RICTOR: variants seen among roughly 807,000 people sequenced by gnomAD.
RICTOR encodes the protein rapamycin-insensitive companion of mTOR.
RICTOR carries 49 observed loss-of-function variants against 214.9 expected under a neutral mutation model. That is an observed-to-expected ratio of 0.23 (90% CI 0.18 to 0.29). The LOEUF (loss-of-function observed/expected upper bound fraction) is 0.29. RICTOR is among the 10% of genes least tolerant of loss of function. The pLI, the probability that RICTOR is intolerant of heterozygous loss-of-function variation, is 1.00. For missense variants in RICTOR, 1,625 were observed against 2,047.0 expected (o/e 0.79, Z 3.98); for synonymous variants, 717 against 711.3 (o/e 1.01, Z -0.13).
chr5:38,955,982 T>C (rs545625485), intron 25 of RICTOR, among the ~76,000 whole-genome samples: 1 of 152,120 alleles, frequency 6.6e-6, no homozygotes, highest in South Asian at 2.1e-4. Context: ...TGAAAATTCA[T>C]TAGCCTAATC....
chr5:38,965,102 C>T (rs554530088), intron 15 of RICTOR, among the ~76,000 whole-genome samples: 4 of 151,804 alleles, frequency 2.6e-5, no homozygotes, highest in African/African-American at 9.7e-5. Flanking sequence ...AAGATACACA[C>T]ATATTAACAT....
At chr5:39,056,318 G>A (rs772761904) in intron 2 of RICTOR, among the ~76,000 whole-genome samples, 3 of 152,094 alleles carry the variant, frequency 2.0e-5, no homozygotes, top group African/African-American at 7.2e-5. Flanking sequence ...CGTAATATCA[G>A]TAGTGACAAG....
rs562106221 is a variant in RICTOR, at chr5:38,984,508, T to C, written c.584-2472A>G. 4.5e-4 allele frequency among the ~76,000 whole-genome samples: 68 copies of C among 152,316 alleles called. No homozygotes were observed. In the South Asian group the frequency reaches 6.8e-3, roughly 15 times the overall value. On this transcript the variant is annotated intron_variant, in intron 7 of 37. Transcript: ENST00000357387. ...AAAATTATCTTTGAGTATAGCTTTC[T>C]AGGCATCCAGGCAGTCCTACAGACT...
intron 7 of RICTOR, among the ~76,000 whole-genome samples, chr5:38,982,805 CATATAT>C (rs10563872): frequency 6.6e-6 from 1 of 151,004 alleles, no homozygotes; most frequent in Admixed American, 6.6e-5. Context: ...TATACACATA[CATATAT>C]ATATATAAAC....
At chr5:38,959,728 A>C in intron 21 of RICTOR, 51 bp downstream of exon 21, 1 of 1,213,178 alleles carries the variant, frequency 8.2e-7, no homozygotes, top group Non-Finnish European at 1.2e-6. Context: ...ATCTAACTAC[A>C]TTAAAAATAA....
At chr5:39,029,617 A>G (rs1756112483) in intron 2 of RICTOR, among the ~76,000 whole-genome samples, 1 of 152,208 alleles carries the variant, frequency 6.6e-6, no homozygotes, top group African/African-American at 2.4e-5. Flanking sequence ...ACTTGGGAGT[A>G]ATGGAAAGGA....
rs577948233 is a variant in RICTOR, at chr5:38,992,051, A to C, written c.457-976T>G. Among the ~76,000 whole-genome samples, 179 of 152,276 alleles carry C rather than the reference A, an allele frequency of 1.2e-3. 2 individuals carry two copies. Among genetic ancestry groups the C allele is most frequent in the Middle Eastern group, 6.9e-3 (2 of 290 alleles). On this transcript the variant is annotated intron_variant, in intron 6 of 37. Transcript: ENST00000357387. Reference sequence around the variant, plus strand: ...AAGACACACAATTAAGTCTTACAGAAGATCAAAAGAAAGATCTGTTTGATC... The same window carrying C: ...AAGACACACAATTAAGTCTTACAGACGATCAAAAGAAAGATCTGTTTGATC...
At chr5:39,051,954 T>A (rs1332552002) in intron 2 of RICTOR, among the ~76,000 whole-genome samples, 1 of 152,228 alleles carries the variant, frequency 6.6e-6, no homozygotes, top group Non-Finnish European at 1.5e-5. Context: ...GCAACATGCA[T>A]TCAATAGAAA....
At chr5:39,013,046 C>T (rs1754665466) in intron 3 of RICTOR, among the ~76,000 whole-genome samples, 1 of 152,166 alleles carries the variant, frequency 6.6e-6, no homozygotes, top group Non-Finnish European at 1.5e-5. Flanking sequence ...AGAGTGGCAG[C>T]ATGTAATTGA....
At chr5:38,967,858 A>G (rs1750366669) in intron 12 of RICTOR, 85 bp downstream of exon 12, 2 of 676,728 alleles carry the variant, frequency 3.0e-6, no homozygotes, top group African/African-American at 3.6e-5. Context: ...GTGTTCAATA[A>G]TTTAGTATTT....
chr5:38,999,868 T>C (rs1753483387), intron 5 of RICTOR, among the ~76,000 whole-genome samples: 1 of 151,714 alleles, frequency 6.6e-6, no homozygotes, highest in African/African-American at 2.4e-5. Flanking sequence ...AAAAACTATA[T>C]GATATTTACA....
intron 11 of RICTOR, 47 bp from the exon 12 acceptor site, chr5:38,968,077 T>A (rs776912648): frequency 2.8e-6 from 3 of 1,063,660 alleles, no homozygotes; most frequent in Non-Finnish European, 4.4e-6. Flanking sequence ...TGAAACACTT[T>A]TAAGATTTTT....
intron 2 of RICTOR, among the ~76,000 whole-genome samples, chr5:39,038,996 C>A (rs1295871995): frequency 1.3e-5 from 2 of 152,110 alleles, no homozygotes; most frequent in African/African-American, 4.8e-5. Flanking sequence ...CAAAAAAGAG[C>A]CCGCATTGCC....
At chr5:39,061,894 T>A (rs1758565933) in intron 2 of RICTOR, among the ~76,000 whole-genome samples, 1 of 151,962 alleles carries the variant, frequency 6.6e-6, no homozygotes, top group Admixed American at 6.6e-5. Flanking sequence ...TGTTGAAATA[T>A]GACCATGAAA....
At position 38,945,085 on chromosome 5, in the gene RICTOR, TTA is replaced by T. The variant is rs775477712; in HGVS notation, c.4634-19_4634-18del. ...CTTGAAAGTCTGAAGAAAAAAATAA[TTA>T]TTTCAATTAAAGCACCATAACGGCT... On this transcript the variant is annotated intron_variant, in intron 34 of 37. Coordinates refer to ENST00000357387, the MANE Select transcript of RICTOR (RefSeq NM_152756.5). 7 of 1,554,464 alleles carry T rather than the reference TTA, an allele frequency of 4.5e-6. No individual in the cohort carries two copies. Among genetic ancestry groups the T allele is most frequent in the African/African-American group, 1.4e-5 (1 of 73,188 alleles).
intron 30 of RICTOR, 128 bp downstream of exon 30, chr5:38,952,068 G>T: frequency 1.6e-6 from 1 of 616,856 alleles, no homozygotes; most frequent in Non-Finnish European, 2.9e-6. Context: ...TCTCCAAGAG[G>T]CTATTATTGC....
intron 25 of RICTOR, among the ~76,000 whole-genome samples, chr5:38,956,529 G>A (rs923919161): frequency 1.8e-4 from 27 of 151,706 alleles, no homozygotes; most frequent in African/African-American, 5.6e-4. Context: ...TCCTTCTTCC[G>A]TGGATACCCT....
chr5:39,072,291 A>G (rs1169796587), intron 2 of RICTOR, among the ~76,000 whole-genome samples: 1 of 152,194 alleles, frequency 6.6e-6, no homozygotes, highest in Non-Finnish European at 1.5e-5. Context: ...TGGCATTTTA[A>G]ATAGTAAACA....
intron 31 of RICTOR, among the ~76,000 whole-genome samples, chr5:38,948,753 G>A (rs1748443685): frequency 6.6e-6 from 1 of 152,068 alleles, no homozygotes; most frequent in Non-Finnish European, 1.5e-5. Flanking sequence ...CCAGATAGAT[G>A]AGACATTGCT....
Sources: gnomAD v4.1 joint callset for allele counts (sites outside exome capture counted in the v4.1 genomes callset) on GRCh38, gnomAD v4.1.1 for gene constraint, MANE v1.5 for transcripts, NCBI Gene and HGNC (gene_info 2026-07-23, HGNC 2026-07-21) for gene names.